The following MOCOS variants were observed in gnomAD, a reference collection of about 807,000 sequenced individuals.
MOCOS encodes the protein molybdenum cofactor sulfurase, also known as human molybdenum cofactor sulfurase.
In MOCOS, 86 loss-of-function variants were observed where a neutral mutation model predicts 83.6. The observed-to-expected ratio is 1.03, with a 90% confidence interval of 0.86 to 1.23. MOCOS has a LOEUF of 1.23. Ranked by LOEUF, MOCOS falls within the 50% of genes most tolerant of loss-of-function variation. The probability of loss-of-function intolerance (pLI) is 0.00; values close to 1 mark genes in which losing one functional copy is unlikely to be tolerated. For missense variants in MOCOS, 1,120 were observed against 1,126.9 expected, an observed-to-expected ratio of 0.99 and a Z score of 0.09; for synonymous variants, 445 against 434.7, an observed-to-expected ratio of 1.02 and a Z score of -0.29.
intron 6 of MOCOS, among the ~76,000 whole-genome samples, chr18:36,205,633 A>G (rs912483867): frequency 6.6e-6 from 1 of 152,214 alleles, no homozygotes; most frequent in Admixed American, 6.5e-5. Context: ...CAGATGGACA[A>G]CAGGAACCAA....
At chr18:36,231,607 A>T (rs2144932839) in intron 9 of MOCOS, among the ~76,000 whole-genome samples, 1 of 152,336 alleles carries the variant, frequency 6.6e-6, no homozygotes, top group East Asian at 1.9e-4. Flanking sequence ...GCAGGAATCC[A>T]ATTTGATGCT....
chr18:36,253,864 C>T (rs1363702739), intron 11 of MOCOS, among the ~76,000 whole-genome samples: 2 of 152,004 alleles, frequency 1.3e-5, no homozygotes, highest in African/African-American at 4.8e-5. Context: ...TTACCTGTGG[C>T]TGCGGAACTC....
At position 36,220,212 on chromosome 18, in the gene MOCOS, C is replaced by T; in HGVS notation, c.1955C>T (p.Ala652Val). 1 of 1,614,112 alleles carries T rather than the reference C, an allele frequency of 6.2e-7. No individual in the cohort carries two copies. Among genetic ancestry groups the T allele is most frequent in the Non-Finnish European group, 8.5e-7 (1 of 1,180,030 alleles). Reference sequence around the variant, plus strand: ...CGGCAAAGGATCATGGTCATCAAAGCCAAAGGTGGGAAAACTGCTTCATTT... The same window carrying T: ...CGGCAAAGGATCATGGTCATCAAAGTCAAAGGTGGGAAAACTGCTTCATTT... ...DLRQRIMVIK[A>V]KGMEPIEVPL... is the part of the protein sequence containing the mutation. The change falls in exon 9 of 15, where the codon GCC (alanine) becomes GTC (valine). Residue 652 changes from alanine (A) to valine (V), a missense_variant. Ala to Val is a moderately conservative substitution (Grantham distance 64). Transcript: ENST00000261326.
At position 36,269,327 on chromosome 18, in the gene MOCOS, G is replaced by A. The variant is rs2091691982; in HGVS notation, c.*642G>A. On this transcript the variant is annotated 3_prime_UTR_variant, in exon 15 of 15. Transcript: ENST00000261326. ...ATCCCCCACTGAGTTGATGCACTGA[G>A]GATGGCTCACGAGCCTGAAGTTACA... 6.5e-6 allele frequency: 1 copy of A among 153,914 alleles called. No individual in the cohort carries two copies. The highest frequency in any genetic ancestry group is 6.4e-5 in the Admixed American group (1 of 15,544). The allele number at this position is 153,914 out of a possible 1,614,324, so 9.5% of individuals were successfully genotyped here.
intron 11 of MOCOS, among the ~76,000 whole-genome samples, chr18:36,253,581 G>A (rs897540677): frequency 3.9e-5 from 6 of 151,962 alleles, no homozygotes; most frequent in African/African-American, 1.4e-4. Context: ...CAGGAGAATT[G>A]CTTGAACCCA....
Position 36,199,934 on chromosome 18 carries a change from GTGCTT to G in MOCOS, c.552_556del (p.Ala185SerfsTer19). 1 of 1,614,214 alleles carries G rather than the reference GTGCTT, an allele frequency of 6.2e-7. No homozygotes were observed. Among genetic ancestry groups the G allele is most frequent in the Non-Finnish European group, 8.5e-7 (1 of 1,180,042 alleles). ...GACCTGTGGTCTGCAGAGGAACGTA[GTGCTT>G]CAGCCAGCAACCCAGACTGCCAGCT... On this transcript the variant is annotated frameshift_variant, in exon 4 of 15. Transcript: ENST00000261326. LOFTEE classifies it high-confidence loss of function.
chr18:36,236,251 T>G (rs1259715224), intron 9 of MOCOS, among the ~76,000 whole-genome samples: 1 of 65,066 alleles, frequency 1.5e-5, no homozygotes, highest in African/African-American at 6.5e-5. Flanking sequence ...CTTCTAGGGT[T>G]TTTATGGTTT....
intron 9 of MOCOS, among the ~76,000 whole-genome samples, chr18:36,221,565 A>C (rs77824640): frequency 0.023 from 3,518 of 151,966 alleles, 105 homozygotes; most frequent in East Asian, 0.13. Context: ...GATATATAAC[A>C]TTTCCATATA....
intron 6 of MOCOS, among the ~76,000 whole-genome samples, chr18:36,207,089 T>G (rs1369777107): frequency 6.6e-6 from 1 of 152,198 alleles, no homozygotes; most frequent in African/African-American, 2.4e-5. Flanking sequence ...CAAGCTGGAG[T>G]GCAGTGGAGC....
At chr18:36,192,914 G>A (rs117613243) in intron 1 of MOCOS, among the ~76,000 whole-genome samples, 12 of 152,238 alleles carry the variant, frequency 7.9e-5, no homozygotes, top group Non-Finnish European at 1.8e-4. Flanking sequence ...TTCCCCAAGT[G>A]CTGAGATTAC....
intron 4 of MOCOS, among the ~76,000 whole-genome samples, chr18:36,201,674 A>AAAAAAAAAAAAAAAG (rs1205619664): frequency 1.4e-4 from 21 of 148,024 alleles, no homozygotes; most frequent in South Asian, 4.3e-4. Context: ...AAAAAAAAAA[A>AAAAAAAAAAAAAAAG]AAAAAGAAAT....
At position 36,187,552 on chromosome 18, in the gene MOCOS, G is replaced by A; in HGVS notation, c.13G>A (p.Ala5Thr). The change falls in exon 1 of 15, where the codon GCG becomes ACG. Residue 5 changes from alanine (A) to threonine (T), a missense_variant. Transcript: ENST00000261326. MAGA[A>T]AESGRELWTF... ...ACTAGCCGGGGCCATGGCCGGCGCG[G>A]CGGCGGAGTCAGGGCGGGAGCTGTG... 1.6e-6 allele frequency: 2 copies of A among 1,239,144 alleles called. No homozygotes were observed. The highest frequency in any genetic ancestry group is 2.0e-6 in the Non-Finnish European group (2 of 991,322). 76.8% of individuals were successfully genotyped at this position (1,239,144 alleles called of 1,614,324 possible).
At chr18:36,249,556 C>T (rs140659107) in intron 10 of MOCOS, among the ~76,000 whole-genome samples, 2 of 152,026 alleles carry the variant, frequency 1.3e-5, no homozygotes, top group Admixed American at 1.3e-4. Flanking sequence ...CTGCAACACT[C>T]CAGAGGAGGC....
At chr18:36,209,934 G>A (rs2091448129) in intron 6 of MOCOS, among the ~76,000 whole-genome samples, 1 of 152,082 alleles carries the variant, frequency 6.6e-6, no homozygotes, top group Admixed American at 6.6e-5. Context: ...GAACACCTGA[G>A]CTCAATTAAT....
intron 11 of MOCOS, among the ~76,000 whole-genome samples, chr18:36,255,099 C>T (rs1037993616): frequency 3.3e-5 from 5 of 151,956 alleles, no homozygotes; most frequent in East Asian, 1.9e-4. Context: ...AATTATTAAA[C>T]GTAAGAAAAA....
intron 7 of MOCOS, among the ~76,000 whole-genome samples, chr18:36,214,590 T>C (rs111662528): frequency 1.3e-5 from 2 of 152,220 alleles, no homozygotes; most frequent in African/African-American, 4.8e-5. Context: ...TAGGAATAAT[T>C]TGAGTGGCAA....
intron 6 of MOCOS, among the ~76,000 whole-genome samples, chr18:36,209,257 C>G (rs1269496771): frequency 2.0e-5 from 3 of 151,982 alleles, no homozygotes; most frequent in Admixed American, 2.0e-4. Context: ...TGGTTCACTG[C>G]AGCCTTGACC....
At chr18:36,251,386 ATG>A in intron 11 of MOCOS, 103 bp downstream of exon 11, 1 of 1,475,694 alleles carries the variant, frequency 6.8e-7, no homozygotes, top group Non-Finnish European at 9.4e-7. Context: ...TTGCTGATGT[ATG>A]GAAAGCAGGG....
Position 36,205,176 on chromosome 18 carries a change from G to A in MOCOS, c.1118G>A (p.Arg373Gln), listed in dbSNP as rs144081367. The A allele has an allele frequency of 2.4e-4, 391 of 1,613,580 alleles. 1 individual carries two copies. The highest frequency in any genetic ancestry group is 4.3e-4 in the Admixed American group (26 of 59,966). The change falls in exon 6 of 15, where the codon CGG becomes CAG. Residue 373 changes from arginine (R) to glutamine (Q), a missense_variant. By Grantham distance (43) the Arg-to-Gln change is conservative (BLOSUM62 1). Coordinates refer to ENST00000261326, the MANE Select transcript of MOCOS (RefSeq NM_017947.4). ...LQYPNGAPVV[R>Q]IYSDSEFSSP... ...TACCCCAATGGAGCCCCTGTGGTGC[G>A]GATTTACAGCGATTCTGAGTTCAGC... is the stretch of plus-strand genomic sequence containing the variant.
Sources: allele counts gnomAD v4.1 joint callset (sites outside exome capture counted in the v4.1 genomes callset), GRCh38; gene constraint gnomAD v4.1.1; transcripts MANE v1.5; gene names NCBI Gene and HGNC (gene_info 2026-07-23, HGNC 2026-07-21).